The following RYR2 variants were observed in gnomAD, a reference collection of about 807,000 sequenced individuals.
The protein encoded by RYR2 is ryanodine receptor 2.
A neutral mutation model predicts 601.1 loss-of-function variants in RYR2; 227 were observed. The observed-to-expected ratio is 0.38, with a 90% CI of 0.34 to 0.42. The LOEUF is 0.42. RYR2 is among the 10% of genes least tolerant of loss of function. The pLI, the probability that RYR2 is intolerant of heterozygous loss-of-function variation, is 1.00. For synonymous variants in RYR2, 2,223 were observed against 2,175.1 expected, an observed-to-expected ratio of 1.02 and a Z score of -0.61; for missense variants, 4,646 against 6,156.5, an observed-to-expected ratio of 0.75 and a Z score of 8.21.
At chr1:237,532,246 C>A (rs1438010297) in intron 25 of RYR2, among the ~76,000 whole-genome samples, 2 of 151,930 alleles carry the variant, frequency 1.3e-5, no homozygotes, top group Admixed American at 6.6e-5. Flanking sequence ...TATTCTTTAT[C>A]CAATTACATT....
At chr1:237,701,832 C>T in intron 65 of RYR2, 146 bp from the exon 66 acceptor site, 1 of 543,678 alleles carries the variant, frequency 1.8e-6, no homozygotes, top group South Asian at 2.5e-5. Flanking sequence ...CCAGTTCCAT[C>T]CATGTTGCTG....
In RYR2 at chr1:237,280,432, G is replaced by A. The variant is rs189943012; in HGVS notation, c.168+9816G>A. On this transcript the variant is annotated intron_variant, in intron 2 of 104. Transcript: ENST00000366574. The stretch of plus-strand genomic sequence containing the variant: ...TTTTGACTTTCACAGAATTTTGTTT[G>A]TGCAAATGAGAGGCAAAAGAAAGAC... 8.6e-4 allele frequency among the ~76,000 whole-genome samples: 131 copies of A among 152,178 alleles called. 1 individual carries two copies. Among genetic ancestry groups the A allele is most frequent in the African/African-American group, 3.0e-3 (123 of 41,540 alleles).
intron 98 of RYR2, among the ~76,000 whole-genome samples, chr1:237,803,622 A>C (rs1415984077): frequency 6.6e-6 from 1 of 152,198 alleles, no homozygotes; most frequent in African/African-American, 2.4e-5. Context: ...ATGCCTCCTT[A>C]GATTAGCTCC....
chr1:237,472,168 G>A (rs1338318343), intron 17 of RYR2, among the ~76,000 whole-genome samples: 1 of 152,210 alleles, frequency 6.6e-6, no homozygotes, highest in Non-Finnish European at 1.5e-5. Flanking sequence ...ATGATGAGAT[G>A]CACATGTGTA....
At chr1:237,076,816 A>AT in intron 1 of RYR2, among the ~76,000 whole-genome samples, 1 of 20,024 alleles carries the variant, frequency 5.0e-5, no homozygotes, top group Non-Finnish European at 1.0e-4. Context: ...TCCAAGACAC[A>AT]TAATTGTCAG....
At chr1:237,449,537 T>C (rs1657812044) in intron 14 of RYR2, among the ~76,000 whole-genome samples, 1 of 152,210 alleles carries the variant, frequency 6.6e-6, no homozygotes, top group South Asian at 2.1e-4. Context: ...CATCTATATT[T>C]GCACATGTAG....
At chr1:237,737,614 C>T (rs1379981601) in intron 79 of RYR2, among the ~76,000 whole-genome samples, 1 of 152,136 alleles carries the variant, frequency 6.6e-6, no homozygotes, top group Non-Finnish European at 1.5e-5. Flanking sequence ...AGACCATTGC[C>T]CCAGGCTGAA....
At chr1:237,789,740 C>T (rs1485767618) in intron 92 of RYR2, among the ~76,000 whole-genome samples, 1 of 152,244 alleles carries the variant, frequency 6.6e-6, no homozygotes, top group African/African-American at 2.4e-5. Context: ...CTCTGCACAG[C>T]TCCTCCCTTT....
At chr1:237,157,694 G>A (rs1012892925) in intron 1 of RYR2, among the ~76,000 whole-genome samples, 2 of 152,142 alleles carry the variant, frequency 1.3e-5, no homozygotes, top group Non-Finnish European at 2.9e-5. Context: ...TTGATCTCAC[G>A]GAGATAGTGA....
At chr1:237,342,014 G>A (rs1022066763) in intron 3 of RYR2, among the ~76,000 whole-genome samples, 5 of 152,130 alleles carry the variant, frequency 3.3e-5, no homozygotes, top group African/African-American at 1.2e-4. Context: ...TAGTCATGGT[G>A]TCTTTGTGAA....
At position 237,071,364 on chromosome 1, in the gene RYR2, C is replaced by T. The variant is rs561270008; in HGVS notation, c.48+28795C>T. Reference sequence around the variant, plus strand: ...TCAGCCTCCTGAGTAGCTGGGATTACAGGCACCTGTCGCCATGCCCGGCTA... The same window carrying T: ...TCAGCCTCCTGAGTAGCTGGGATTATAGGCACCTGTCGCCATGCCCGGCTA... On this transcript the variant is annotated intron_variant, in intron 1 of 104. Transcript: ENST00000366574. 3.9e-5 allele frequency among the ~76,000 whole-genome samples: 6 copies of T among 152,240 alleles called. No homozygotes were observed. In the South Asian group the frequency reaches 1.2e-3, roughly 32 times the overall value.
At chr1:237,460,871 G>A (rs949696033) in intron 16 of RYR2, among the ~76,000 whole-genome samples, 3 of 152,086 alleles carry the variant, frequency 2.0e-5, no homozygotes, top group South Asian at 2.1e-4. Flanking sequence ...GCTCAGCATC[G>A]CATATTGTTG....
intron 39 of RYR2, 81 bp downstream of exon 39, chr1:237,623,951 C>A: frequency 2.3e-6 from 2 of 886,984 alleles, no homozygotes; most frequent in South Asian, 1.4e-5. Context: ...AGTGTATATG[C>A]GAATATTTTC....
intron 3 of RYR2, among the ~76,000 whole-genome samples, chr1:237,348,920 A>G (rs1698526127): frequency 6.6e-6 from 1 of 152,238 alleles, no homozygotes; most frequent in African/African-American, 2.4e-5. Context: ...TAGTTGAAGA[A>G]AGGATTCATG....
intron 1 of RYR2, among the ~76,000 whole-genome samples, chr1:237,102,234 A>T (rs1668184189): frequency 6.6e-6 from 1 of 152,126 alleles, no homozygotes; most frequent in African/African-American, 2.4e-5. Flanking sequence ...GGAGCAAGGG[A>T]TAGAGAGGGA....
At chr1:237,673,307 AAC>A (rs1325886450) in intron 58 of RYR2, among the ~76,000 whole-genome samples, 2 of 152,144 alleles carry the variant, frequency 1.3e-5, no homozygotes, top group African/African-American at 4.8e-5. Flanking sequence ...ATCTGAAATT[AAC>A]AGTTTAATTT....
chr1:237,326,509 T>C (rs1696186729), intron 2 of RYR2, among the ~76,000 whole-genome samples: 1 of 152,248 alleles, frequency 6.6e-6, no homozygotes, highest in Admixed American at 6.5e-5. Context: ...AAACGCCATA[T>C]GTAATGTGTA....
intron 14 of RYR2, among the ~76,000 whole-genome samples, chr1:237,449,495 A>G (rs114464319): frequency 2.0e-5 from 3 of 152,146 alleles, no homozygotes. Context: ...TTTAAAATCA[A>G]TTAGTTTTTA....
chr1:237,420,961 G>T (rs1055502476), intron 11 of RYR2, among the ~76,000 whole-genome samples: 1 of 152,006 alleles, frequency 6.6e-6, no homozygotes, highest in Non-Finnish European at 1.5e-5. Context: ...AATTGTGACC[G>T]GGCACAGGGT....
Sources: allele counts gnomAD v4.1 joint callset (sites outside exome capture counted in the v4.1 genomes callset), GRCh38; gene constraint gnomAD v4.1.1; transcripts MANE v1.5; gene names NCBI Gene and HGNC (gene_info 2026-07-23, HGNC 2026-07-21).